Variants in NME5 observed in about 807,000 individuals in gnomAD.
The protein encoded by NME5 is nucleoside diphosphate kinase 5.
In NME5, 18 loss-of-function variants were observed where a neutral mutation model predicts 21.6. The observed-to-expected ratio is 0.83, with a 90% CI of 0.58 to 1.24. The LOEUF (loss-of-function observed/expected upper bound fraction) is 1.24, where lower values mean the gene tolerates loss of function less well. Among genes scored for constraint, NME5 ranks in the 50% most tolerant of loss-of-function variants. The pLI is 0.00. For synonymous variants in NME5, 70 were observed against 80.6 expected (o/e 0.87, Z 0.71); for missense variants, 223 against 255.4 (o/e 0.87, Z 0.86).
chr5:138,120,711 A>T (rs1198904437), intron 4 of NME5, among the ~76,000 whole-genome samples: 4 of 152,160 alleles, frequency 2.6e-5, no homozygotes, highest in Admixed American at 2.6e-4. Context: ...TTTACATTGA[A>T]GTCTGTGATC....
intron 2 of NME5, among the ~76,000 whole-genome samples, chr5:138,130,966 C>T (rs1751550667): frequency 6.6e-6 from 1 of 151,064 alleles, no homozygotes; most frequent in Non-Finnish European, 1.5e-5. Flanking sequence ...TGTGGTGGCT[C>T]ATTCCTGTAA....
At chr5:138,136,269 C>A (rs1171014559) in intron 2 of NME5, among the ~76,000 whole-genome samples, 1 of 152,194 alleles carries the variant, frequency 6.6e-6, no homozygotes. Flanking sequence ...ACTGCTGGAT[C>A]AAATGGTAAG....
In NME5 at chr5:138,122,441, TAAAA is replaced by T. The variant is rs70979581; in HGVS notation, c.437-3509_437-3506del. Among the ~76,000 whole-genome samples the T allele has an allele frequency of 7.3e-4, 25 of 34,460 alleles. 2 individuals carry two copies. The highest frequency in any genetic ancestry group is 1.9e-3 in the African/African-American group (18 of 9,280). The allele number at this position is 34,460 out of a possible 152,430, so 22.6% of individuals were successfully genotyped here. On this transcript the variant is annotated intron_variant, in intron 4 of 5. Transcript: ENST00000265191. Reference sequence around the variant, plus strand: ...GGTGACAAGAGCGAAACTCTGTCTCTAAAAAAAAAAAAAAAAAAAAAAAAAAAAT... The same window carrying T: ...GGTGACAAGAGCGAAACTCTGTCTCTAAAAAAAAAAAAAAAAAAAAAAAAT...
chr5:138,121,459 C>T (rs964864811), intron 4 of NME5, among the ~76,000 whole-genome samples: 3 of 152,006 alleles, frequency 2.0e-5, no homozygotes, highest in Non-Finnish European at 2.9e-5. Flanking sequence ...TATGGATACT[C>T]GCCATTAATG....
intron 4 of NME5, among the ~76,000 whole-genome samples, chr5:138,121,007 T>TATAAATAAC (rs2151159367): frequency 6.6e-6 from 1 of 152,192 alleles, no homozygotes; most frequent in East Asian, 1.9e-4. Flanking sequence ...GCAAATTTTA[T>TATAAATAAC]ATAAATAACA....
chr5:138,139,246 C>T, intron 1 of NME5, 125 bp downstream of exon 1: 1 of 514,378 alleles, frequency 1.9e-6, no homozygotes, highest in Non-Finnish European at 2.5e-6. Flanking sequence ...TGTGAAGCGA[C>T]CCTGTCCCGC....
chr5:138,126,510 CAAAAAA>C (rs57938582), intron 4 of NME5, among the ~76,000 whole-genome samples: 6 of 54,224 alleles, frequency 1.1e-4, no homozygotes, highest in Non-Finnish European at 1.9e-4. Context: ...GAATCTATCT[CAAAAAA>C]AAAAAAAAAA....
chr5:138,124,329 G>C (rs1751352845), intron 4 of NME5, among the ~76,000 whole-genome samples: 1 of 151,790 alleles, frequency 6.6e-6, no homozygotes, highest in African/African-American at 2.4e-5. Flanking sequence ...ATACTTGTTG[G>C]TTATTTGTAT....
chr5:138,127,652 A>G, intron 4 of NME5: 1 of 984,836 alleles, frequency 1.0e-6, no homozygotes, highest in Non-Finnish European at 1.2e-6. Context: ...CAAACCAAAA[A>G]CTTCAGTGTT....
intron 2 of NME5, 66 bp downstream of exon 2, chr5:138,138,586 T>G: frequency 4.8e-6 from 7 of 1,462,274 alleles, no homozygotes; most frequent in Non-Finnish European, 6.5e-6. Context: ...TAGGCACATT[T>G]ACATAAGCAT....
intron 4 of NME5, among the ~76,000 whole-genome samples, chr5:138,120,651 T>C (rs569302273): frequency 6.6e-6 from 1 of 152,232 alleles, no homozygotes. Flanking sequence ...TTTTAAGAAG[T>C]CTTTGTCCAA....
intron 2 of NME5, among the ~76,000 whole-genome samples, chr5:138,136,078 A>G (rs1326464817): frequency 1.3e-5 from 2 of 152,192 alleles, no homozygotes; most frequent in Admixed American, 6.5e-5. Context: ...CTGTCTCCCA[A>G]TCTCCCAACC....
chr5:138,115,942 C>A (rs217266), intron 5 of NME5, among the ~76,000 whole-genome samples, 178 bp from the exon 6 acceptor site: 149,520 of 152,310 alleles, frequency 0.98, 73,454 homozygotes, highest in Middle Eastern at 1. Flanking sequence ...TCCAAACTGG[C>A]AAGAAAGAAG....
intron 4 of NME5, among the ~76,000 whole-genome samples, chr5:138,122,441 TAAAAAAAAAAAAA>T (rs70979581): frequency 2.2e-3 from 75 of 34,468 alleles, no homozygotes; most frequent in Admixed American, 8.9e-3. Flanking sequence ...ACTCTGTCTC[TAAAAAAAAAAAAA>T]AAAAAAAAAA....
At chr5:138,138,625 G>A in intron 2 of NME5, 27 bp downstream of exon 2, 2 of 1,593,840 alleles carry the variant, frequency 1.3e-6, no homozygotes, top group Non-Finnish European at 1.7e-6. Context: ...GAGGAAAAAA[G>A]CATGAATCAT....
At chr5:138,135,145 C>T (rs1421307294) in intron 2 of NME5, among the ~76,000 whole-genome samples, 3 of 147,960 alleles carry the variant, frequency 2.0e-5, no homozygotes, top group Non-Finnish European at 4.5e-5. Flanking sequence ...AGTGAAACCC[C>T]GTCTCTACTA....
At chr5:138,117,979 G>A (rs1034139583) in intron 5 of NME5, among the ~76,000 whole-genome samples, 8 of 151,448 alleles carry the variant, frequency 5.3e-5, no homozygotes, top group Non-Finnish European at 1.0e-4. Flanking sequence ...GTGAGACTCC[G>A]TCTCAAAAAA....
intron 2 of NME5, among the ~76,000 whole-genome samples, chr5:138,136,664 G>T (rs184208482): frequency 6.0e-5 from 9 of 149,794 alleles, no homozygotes; most frequent in African/African-American, 2.2e-4. Context: ...TTTTTTTTTC[G>T]AGAGTTTCGC....
At chr5:138,129,611 T>C (rs1751512937) in intron 2 of NME5, 143 bp from the exon 3 acceptor site, 2 of 639,838 alleles carry the variant, frequency 3.1e-6, no homozygotes, top group Admixed American at 5.8e-5. Context: ...GAAAAGGATA[T>C]AATTAAATGT....
Sources: gnomAD v4.1 joint callset for allele counts (sites outside exome capture counted in the v4.1 genomes callset) on GRCh38, gnomAD v4.1.1 for gene constraint, MANE v1.5 for transcripts, NCBI Gene and HGNC (gene_info 2026-07-23, HGNC 2026-07-21) for gene names.